Variants in BLTP1 observed in about 807,000 individuals in gnomAD.
BLTP1 encodes the protein fragile site-associated protein.
the BLTP1 span, chr4:122,340,844 C>G: frequency 1.1e-6 from 1 of 942,204 alleles, no homozygotes; most frequent in Non-Finnish European, 1.3e-6. Flanking sequence ...ATGAAAAGTA[C>G]TAAAGGTGAA....
chr4:122,282,125 A>G, the BLTP1 span: 14 of 972,638 alleles, frequency 1.4e-5, no homozygotes, highest in Admixed American at 6.2e-5. Flanking sequence ...TTTAGCTCAA[A>G]TCAGGGGTCA....
chr4:122,162,367 C>A, the BLTP1 span: 1 of 200,660 alleles, frequency 5.0e-6, no homozygotes, highest in Non-Finnish European at 8.9e-6. Flanking sequence ...AACCTTATTT[C>A]ACACAGTTCT....
At chr4:122,203,743 CTAAT>C in the BLTP1 span, 1 of 312,804 alleles carries the variant, frequency 3.2e-6, no homozygotes, top group African/African-American at 2.3e-5. Context: ...GGTAGGTAAA[CTAAT>C]TATAAAATGA....
At chr4:122,245,203 C>A in the BLTP1 span, 3 of 1,435,630 alleles carry the variant, frequency 2.1e-6, no homozygotes, top group South Asian at 3.8e-5. Flanking sequence ...ACAGAATATT[C>A]AAACTTGAAA....
At chr4:122,249,055 G>A in the BLTP1 span, 3 of 962,942 alleles carry the variant, frequency 3.1e-6, no homozygotes, top group South Asian at 4.8e-5. Flanking sequence ...TTGTAGTTAT[G>A]TAAAATATGT....
chr4:122,341,765 G>A, the BLTP1 span: 1 of 985,342 alleles, frequency 1.0e-6, no homozygotes, highest in South Asian at 4.7e-5. Flanking sequence ...TTAGCTAGTA[G>A]ATGTGGTCCA....
At chr4:122,280,367 A>G in the BLTP1 span, among the ~76,000 whole-genome samples, 1 of 152,216 alleles carries the variant, frequency 6.6e-6, no homozygotes, top group African/African-American at 2.4e-5. Flanking sequence ...GTGGTCATTT[A>G]TGTCCCAAGG....
the BLTP1 span, chr4:122,237,215 G>C: frequency 1.5e-5 from 15 of 985,284 alleles, no homozygotes; most frequent in Non-Finnish European, 1.7e-5. Context: ...AACAGGGATG[G>C]TAGGAGGAGG....
the BLTP1 span, among the ~76,000 whole-genome samples, chr4:122,287,861 C>T: frequency 6.6e-6 from 1 of 152,084 alleles, no homozygotes; most frequent in Non-Finnish European, 1.5e-5. Context: ...GTACTTTCTA[C>T]TCTGAAAACT....
At chr4:122,288,835 A>T in the BLTP1 span, 1 of 279,328 alleles carries the variant, frequency 3.6e-6, no homozygotes, top group Non-Finnish European at 5.4e-6. Context: ...TTTGCTCCCC[A>T]GACTTCTCAT....
chr4:122,171,472 T>C, the BLTP1 span, among the ~76,000 whole-genome samples: 1 of 152,084 alleles, frequency 6.6e-6, no homozygotes, highest in East Asian at 1.9e-4. Flanking sequence ...CAAAGGGTAA[T>C]GATAATATGT....
chr4:122,163,106 TA>T, the BLTP1 span, among the ~76,000 whole-genome samples: 1 of 152,148 alleles, frequency 6.6e-6, no homozygotes, highest in African/African-American at 2.4e-5. Flanking sequence ...TTATAAATAA[TA>T]AAAACACAGT....
At chr4:122,337,007 A>C in the BLTP1 span, 1 of 1,607,802 alleles carries the variant, frequency 6.2e-7, no homozygotes, top group South Asian at 1.1e-5. Context: ...GTTGTGGTTT[A>C]TGTACGAGTT....
chr4:122,160,269 T>C, the BLTP1 span, among the ~76,000 whole-genome samples: 1 of 152,182 alleles, frequency 6.6e-6, no homozygotes, highest in Admixed American at 6.5e-5. Context: ...TAATCATGAA[T>C]GGTAGGTATT....
chr4:122,267,479 A>G, the BLTP1 span: 3 of 176,918 alleles, frequency 1.7e-5, no homozygotes, highest in African/African-American at 7.2e-5. Context: ...ATTTTTAGGC[A>G]TATTTTTGAA....
the BLTP1 span, among the ~76,000 whole-genome samples, chr4:122,343,067 C>A: frequency 2.2e-3 from 329 of 152,256 alleles, 5 homozygotes; most frequent in East Asian, 0.046. Flanking sequence ...TGTTCTCCCC[C>A]ACTTTGCTTA....
the BLTP1 span, chr4:122,238,483 T>C: frequency 1.5e-6 from 1 of 665,654 alleles, no homozygotes; most frequent in Admixed American, 2.9e-5. Context: ...TGAACATATT[T>C]TGAAATGTCA....
the BLTP1 span, chr4:122,179,866 G>A: frequency 1.0e-6 from 1 of 985,094 alleles, no homozygotes; most frequent in African/African-American, 1.7e-5. Flanking sequence ...GAGGCTACAT[G>A]CAAAGTATCC....
chr4:122,174,704 T>C, the BLTP1 span: 1 of 1,284,034 alleles, frequency 7.8e-7, no homozygotes, highest in Non-Finnish European at 1.1e-6. Flanking sequence ...ACTTTAAAAA[T>C]ATTGTTAAAA....
Sources: gnomAD v4.1 joint callset for allele counts (sites outside exome capture counted in the v4.1 genomes callset) on GRCh38, gnomAD v4.1.1 for gene constraint, MANE v1.5 for transcripts, NCBI Gene and HGNC (gene_info 2026-07-23, HGNC 2026-07-21) for gene names.